Variants in RAD51AP1 observed in about 807,000 individuals in gnomAD.
RAD51AP1 encodes the protein RAD51-associated protein 1.
Under a neutral mutation model 34.3 loss-of-function variants are expected in RAD51AP1, and 14 were observed. The observed-to-expected ratio is 0.41, with a 90% confidence interval of 0.27 to 0.64. RAD51AP1 has a LOEUF of 0.64. Ranked by LOEUF, RAD51AP1 falls within the 30% of genes least tolerant of loss-of-function variation. The probability of loss-of-function intolerance (pLI) is 0.33; values close to 1 mark genes in which losing one functional copy is unlikely to be tolerated. For synonymous variants in RAD51AP1, 114 were observed against 129.8 expected (o/e 0.88, Z 0.83); for missense variants, 348 against 386.9 (o/e 0.90, Z 0.84).
intron 7 of RAD51AP1, among the ~76,000 whole-genome samples, chr12:4,554,195 T>C (rs1460788736): frequency 6.6e-6 from 1 of 152,226 alleles, no homozygotes; most frequent in African/African-American, 2.4e-5. Context: ...TTCTTGTCTT[T>C]TCTAGCTCCT....
intron 4 of RAD51AP1, 96 bp downstream of exon 4, chr12:4,546,514 G>T (rs1944507557): frequency 3.8e-6 from 3 of 795,646 alleles, no homozygotes; most frequent in Non-Finnish European, 6.2e-6. Flanking sequence ...CAGGTAAAAT[G>T]TGAATACTTT....
intron 4 of RAD51AP1, among the ~76,000 whole-genome samples, chr12:4,546,845 A>T (rs1443787664): frequency 6.6e-6 from 1 of 152,232 alleles, no homozygotes; most frequent in African/African-American, 2.4e-5. Flanking sequence ...AGTAGACTTA[A>T]GAGAATGGCT....
At chr12:4,553,913 T>C (rs549768356) in intron 7 of RAD51AP1, among the ~76,000 whole-genome samples, 24 of 152,190 alleles carry the variant, frequency 1.6e-4, no homozygotes, top group Non-Finnish European at 2.8e-4. Context: ...TTTCCATTTA[T>C]TCATAGGAGC....
intron 6 of RAD51AP1, among the ~76,000 whole-genome samples, chr12:4,551,673 A>G (rs1944548337): frequency 6.6e-6 from 1 of 152,216 alleles, no homozygotes; most frequent in African/African-American, 2.4e-5. Context: ...TAGACTGAAT[A>G]GAAGATGATA....
intron 6 of RAD51AP1, among the ~76,000 whole-genome samples, chr12:4,552,330 A>C (rs1340294900): frequency 6.6e-6 from 1 of 152,216 alleles, no homozygotes; most frequent in Non-Finnish European, 1.5e-5. Context: ...CAGCTGTAGC[A>C]CTTTCAAAAT....
chr12:4,547,696 T>C (rs1944516339), intron 4 of RAD51AP1, among the ~76,000 whole-genome samples: 1 of 152,210 alleles, frequency 6.6e-6, no homozygotes. Context: ...TGGATTTGCC[T>C]ACACAGAATT....
intron 6 of RAD51AP1, 117 bp downstream of exon 6, chr12:4,548,953 A>G: frequency 9.6e-7 from 1 of 1,047,066 alleles, no homozygotes; most frequent in Non-Finnish European, 1.4e-6. Context: ...AACTTCAGGG[A>G]CACACAGAAC....
chr12:4,555,406 A>G (rs1370442927), intron 7 of RAD51AP1, among the ~76,000 whole-genome samples: 1 of 152,126 alleles, frequency 6.6e-6, no homozygotes, highest in Non-Finnish European at 1.5e-5. Flanking sequence ...TTACCTGATT[A>G]CCATAATAAC....
rs554320977 is a variant in RAD51AP1, at chr12:4,542,936, A to G, written c.68-827A>G. On this transcript the variant is annotated intron_variant, in intron 2 of 8. Coordinates refer to ENST00000352618, the MANE Select transcript of RAD51AP1 (RefSeq NM_006479.5). ...ACTTTGGTAGGATCTTAGGAAGATC[A>G]TTATGGTAATGGAAAGAGAAAATAC... Among the ~76,000 whole-genome samples, 327 of 152,364 alleles carry G rather than the reference A, an allele frequency of 2.1e-3. 3 individuals are homozygous for G. The highest frequency in any genetic ancestry group is 3.6e-3 in the Non-Finnish European group (242 of 68,038).
At chr12:4,556,683 G>A (rs1420031023) in intron 8 of RAD51AP1, 181 bp downstream of exon 8, 6 of 661,174 alleles carry the variant, frequency 9.1e-6, no homozygotes, top group Non-Finnish European at 1.2e-5. Context: ...GGACATCCAG[G>A]TTTATTATTT....
chr12:4,558,246 A>G (rs1376940756), intron 8 of RAD51AP1, among the ~76,000 whole-genome samples: 1 of 152,202 alleles, frequency 6.6e-6, no homozygotes, highest in African/African-American at 2.4e-5. Context: ...AAACTAGAAA[A>G]CAATAAAGCA....
At position 4,553,102 on chromosome 12, in the gene RAD51AP1, G is replaced by C. The variant is rs749040423; in HGVS notation, c.676G>C (p.Val226Leu). 2 of 1,601,286 alleles carry C rather than the reference G, an allele frequency of 1.2e-6. No homozygotes were observed. The highest frequency in any genetic ancestry group is 2.7e-5 in the African/African-American group (2 of 73,878). Reference protein sequence around the residue: ...KKKEVKVKSPVEKKEKKSKSK... With the variant: ...KKKEVKVKSPLEKKEKKSKSK... ...GAAAGAAGTGAAGGTAAAATCCCCAGTAGAAAAGAAAGAGAAGAAATCTAA... is the reference window on the plus strand; with the variant it reads ...GAAAGAAGTGAAGGTAAAATCCCCACTAGAAAAGAAAGAGAAGAAATCTAA... The change falls in exon 7 of 9, where the codon GTA becomes CTA. Residue 226 changes from valine (V) to leucine (L), a missense_variant. Transcript: ENST00000352618.
Position 4,559,588 on chromosome 12 carries a change from T to C in RAD51AP1, c.*595T>C, listed in dbSNP as rs1208706118. ...TTAAAGACATTTTATGAAATCTTCATTGTCAAAACCTTTAATAAAAGTGGA... is the reference window on the plus strand; with the variant it reads ...TTAAAGACATTTTATGAAATCTTCACTGTCAAAACCTTTAATAAAAGTGGA... On this transcript the variant is annotated 3_prime_UTR_variant, in exon 9 of 9. Coordinates refer to ENST00000352618, the MANE Select transcript of RAD51AP1 (RefSeq NM_006479.5). The C allele has an allele frequency of 1.3e-5, 2 of 152,228 alleles. No homozygotes were observed. Among genetic ancestry groups the C allele is most frequent in the Admixed American group, 6.5e-5 (1 of 15,284 alleles). The allele number at this position is 152,228 out of a possible 1,614,324, so 9.4% of individuals were successfully genotyped here. A position where few individuals can be genotyped will look rare whatever the true frequency, so the allele number is the denominator to read the frequency against.
chr12:4,538,904 T>C lies in RAD51AP1; in HGVS notation c.-36T>C. The stretch of plus-strand genomic sequence containing the variant: ...AAACCGCCGCTGAAGCCAACAAGAA[T>C]TTGAGAACTGTAAATACCAAGCCTT... On this transcript the variant is annotated 5_prime_UTR_variant, in exon 1 of 9. Transcript: ENST00000352618. 6 of 1,612,564 alleles carry C rather than the reference T, an allele frequency of 3.7e-6. No homozygotes were observed. The highest frequency in any genetic ancestry group is 4.2e-6 in the Non-Finnish European group (5 of 1,178,848).
At chr12:4,542,379 A>C (rs1021933937) in intron 2 of RAD51AP1, among the ~76,000 whole-genome samples, 1 of 152,218 alleles carries the variant, frequency 6.6e-6, no homozygotes, top group Admixed American at 6.5e-5. Flanking sequence ...CTATGATTGA[A>C]AAGTTTGAGG....
In RAD51AP1 at chr12:4,559,059, T is replaced by G. The variant is rs1944603090; in HGVS notation, c.*66T>G. 1 of 1,555,652 alleles carries G rather than the reference T, an allele frequency of 6.4e-7. No homozygotes were observed. The highest frequency in any genetic ancestry group is 8.8e-7 in the Non-Finnish European group (1 of 1,138,998). On this transcript the variant is annotated 3_prime_UTR_variant, in exon 9 of 9. Coordinates refer to ENST00000352618, the MANE Select transcript of RAD51AP1 (RefSeq NM_006479.5). The stretch of plus-strand genomic sequence containing the variant: ...TTTACAAGGGTGTTTATATTTGATT[T>G]GTGTTTATATTTGAGGCAGGTATTG...
At position 4,544,024 on chromosome 12, in the gene RAD51AP1, G is replaced by A. The variant is rs1253938650; in HGVS notation, c.209+120G>A. ...CAGAGTCATAGGTCTTATTTTACTA[G>A]GTGCAGTCAGAAAACAGGACGTACT... On this transcript the variant is annotated intron_variant, in intron 3 of 8. Transcript: ENST00000352618. 20 of 753,492 alleles carry A rather than the reference G, an allele frequency of 2.7e-5. 1 individual carries two copies. The South Asian group carries it at 6.2e-4, about 23-fold the overall frequency. 46.7% of individuals were successfully genotyped at this position (753,492 alleles called of 1,614,324 possible).
Position 4,559,058 on chromosome 12 carries a change from T to C in RAD51AP1, c.*65T>C. The C allele has an allele frequency of 1.9e-6, 3 of 1,560,672 alleles. No individual in the cohort carries two copies. The highest frequency in any genetic ancestry group is 2.6e-6 in the Non-Finnish European group (3 of 1,142,350). The stretch of plus-strand genomic sequence containing the variant: ...CTTTACAAGGGTGTTTATATTTGAT[T>C]TGTGTTTATATTTGAGGCAGGTATT... On this transcript the variant is annotated 3_prime_UTR_variant, in exon 9 of 9. Coordinates refer to ENST00000352618, the MANE Select transcript of RAD51AP1 (RefSeq NM_006479.5).
intron 7 of RAD51AP1, 25 bp from the exon 8 acceptor site, chr12:4,556,328 T>C (rs1944582179): frequency 6.4e-7 from 1 of 1,574,486 alleles, no homozygotes. Flanking sequence ...ATGACAAACA[T>C]TTTTACGTAT....
Sources: gnomAD v4.1 joint callset for allele counts (sites outside exome capture counted in the v4.1 genomes callset) on GRCh38, gnomAD v4.1.1 for gene constraint, MANE v1.5 for transcripts, NCBI Gene and HGNC (gene_info 2026-07-23, HGNC 2026-07-21) for gene names.